ITSN1: variants seen among roughly 807,000 people sequenced by gnomAD.
ITSN1 encodes the protein intersectin-1.
A neutral mutation model predicts 239.8 loss-of-function variants in ITSN1; 58 were observed. That is an observed-to-expected ratio of 0.24 (90% CI 0.20 to 0.30). ITSN1 has a LOEUF of 0.30. Ranked by LOEUF, ITSN1 falls within the 10% of genes least tolerant of loss-of-function variation. The pLI, the probability that ITSN1 is intolerant of heterozygous loss-of-function variation, is 1.00. For synonymous variants in ITSN1, 780 were observed against 770.8 expected (o/e 1.01, Z -0.20); for missense variants, 1,558 against 2,103.3 (o/e 0.74, Z 5.07).
intron 29 of ITSN1, among the ~76,000 whole-genome samples, chr21:33,841,579 T>A (rs1201448955): frequency 6.6e-6 from 1 of 152,168 alleles, no homozygotes; most frequent in African/African-American, 2.4e-5. Flanking sequence ...TCCTGGAGTC[T>A]CTTGCTCATT....
rs547903409 is a variant in ITSN1, at chr21:33,761,318, C to T, written c.725-605C>T. ...CTGAGCTCGAGCCATCTGCCTGCCTCAGCCTCCCAGAATGCTGGGATTACA... is the reference window on the plus strand; with the variant it reads ...CTGAGCTCGAGCCATCTGCCTGCCTTAGCCTCCCAGAATGCTGGGATTACA... On this transcript the variant is annotated intron_variant, in intron 8 of 39. Transcript: ENST00000381318. 2.0e-5 allele frequency among the ~76,000 whole-genome samples: 3 copies of T among 152,230 alleles called. No homozygotes were observed. The East Asian group carries it at 5.8e-4, about 29-fold the overall frequency.
chr21:33,725,275 A>G (rs943498331), intron 4 of ITSN1, among the ~76,000 whole-genome samples: 3 of 150,760 alleles, frequency 2.0e-5, no homozygotes, highest in Non-Finnish European at 4.4e-5. Context: ...AGCTGGGATT[A>G]CAGGCGTACA....
At chr21:33,856,016 C>T (rs1014913686) in intron 29 of ITSN1, among the ~76,000 whole-genome samples, 5 of 152,368 alleles carry the variant, frequency 3.3e-5, no homozygotes, top group African/African-American at 1.2e-4. Flanking sequence ...CAGCCCAAGT[C>T]TCAGGGTTTG....
intron 16 of ITSN1, among the ~76,000 whole-genome samples, chr21:33,789,731 A>G (rs2070958341): frequency 6.6e-6 from 1 of 152,234 alleles, no homozygotes; most frequent in South Asian, 2.1e-4. Flanking sequence ...GACCAGATGA[A>G]GGAGAAACAG....
intron 1 of ITSN1, among the ~76,000 whole-genome samples, chr21:33,715,530 C>T: frequency 6.6e-6 from 1 of 152,086 alleles, no homozygotes; most frequent in South Asian, 2.1e-4. Context: ...TTTATGAGGA[C>T]TAAGTGAGAT....
At position 33,836,357 on chromosome 21, in the gene ITSN1, C is replaced by T; in HGVS notation, c.3470-84C>T. On this transcript the variant is annotated intron_variant, in intron 28 of 39. Coordinates refer to ENST00000381318, the MANE Select transcript of ITSN1 (RefSeq NM_003024.3). ...TCTTCTGAAAGGACAGAAATAGTAG[C>T]TGGGAATGTTGAATGGCTGCGCGGT... 1.0e-5 allele frequency: 10 copies of T among 970,436 alleles called. No homozygotes were observed. In the South Asian group the frequency reaches 2.1e-4, roughly 20 times the overall value. 60.1% of individuals were successfully genotyped at this position (970,436 alleles called of 1,614,324 possible).
intron 1 of ITSN1, among the ~76,000 whole-genome samples, chr21:33,700,199 C>T (rs914040295): frequency 2.6e-5 from 4 of 152,072 alleles, no homozygotes; most frequent in African/African-American, 9.7e-5. Flanking sequence ...ATTCTCCTGC[C>T]TCAGCCTCCC....
intron 27 of ITSN1, among the ~76,000 whole-genome samples, chr21:33,832,720 T>A (rs1225949982): frequency 6.6e-6 from 1 of 152,104 alleles, no homozygotes; most frequent in East Asian, 1.9e-4. Context: ...CATAAAAGCT[T>A]TAGTCCTTGA....
chr21:33,709,528 C>T (rs1302210937), intron 1 of ITSN1, among the ~76,000 whole-genome samples: 12 of 152,256 alleles, frequency 7.9e-5, no homozygotes, highest in Non-Finnish European at 7.3e-5. Context: ...GTGACTCACC[C>T]GCCTTGGCTT....
At chr21:33,824,804 G>A (rs2073889478) in intron 25 of ITSN1, among the ~76,000 whole-genome samples, 2 of 152,140 alleles carry the variant, frequency 1.3e-5, no homozygotes, top group Non-Finnish European at 2.9e-5. Context: ...TTTTCTTGCT[G>A]CGGTCTTGAG....
At position 33,673,332 on chromosome 21, in the gene ITSN1, ACT is replaced by A. The variant is rs946122986; in HGVS notation, c.-33+30622_-33+30623del. Reference sequence around the variant, plus strand: ...TAGAGATCTAATATTTAGCATGATGACTCTGGCTAATATTGTATTGGAAAATT... The same window carrying A: ...TAGAGATCTAATATTTAGCATGATGACTGGCTAATATTGTATTGGAAAATT... On this transcript the variant is annotated intron_variant, in intron 1 of 39. Transcript: ENST00000381318. 5.9e-5 allele frequency among the ~76,000 whole-genome samples: 9 copies of A among 152,164 alleles called. No homozygotes were observed. In the South Asian group the frequency reaches 1.0e-3, roughly 18 times the overall value.
intron 2 of ITSN1, 27 bp from the exon 3 acceptor site, chr21:33,721,150 AT>A: frequency 6.7e-7 from 1 of 1,502,890 alleles, no homozygotes; most frequent in South Asian, 1.1e-5. Context: ...TCACTGAATA[AT>A]TTGTTTGTCT....
intron 4 of ITSN1, among the ~76,000 whole-genome samples, chr21:33,724,711 T>C (rs1333195520): frequency 6.6e-6 from 1 of 152,216 alleles, no homozygotes; most frequent in East Asian, 1.9e-4. Context: ...AATCCATTCT[T>C]TTACTGAAAC....
chr21:33,837,555 T>G lies in ITSN1; in HGVS notation c.3661+923T>G, dbSNP rs2074664090. ...CCTTACCATAGAAGTGCAGAGGAGT[T>G]CAGTATCTCTGTTTTAAAGACGTAT... is the stretch of plus-strand genomic sequence containing the variant. On this transcript the variant is annotated intron_variant, in intron 29 of 39. Transcript: ENST00000381318. 5.1e-6 allele frequency: 5 copies of G among 985,782 alleles called. No individual in the cohort carries two copies. In the South Asian group the frequency reaches 1.9e-4, roughly 37 times the overall value. 61.1% of individuals were successfully genotyped at this position (985,782 alleles called of 1,614,324 possible).
intron 29 of ITSN1, among the ~76,000 whole-genome samples, chr21:33,853,880 T>G (rs1044018572): frequency 6.6e-6 from 1 of 152,018 alleles, no homozygotes; most frequent in Admixed American, 6.5e-5. Context: ...CTCAACATGG[T>G]GGGGAAGAGC....
chr21:33,823,755 T>G (rs1346647570), intron 25 of ITSN1, 102 bp downstream of exon 25: 2 of 1,128,518 alleles, frequency 1.8e-6, no homozygotes, highest in Middle Eastern at 2.0e-4. Flanking sequence ...TTTGCTAAGT[T>G]CTGGAATGTG....
intron 29 of ITSN1, chr21:33,837,093 T>C: frequency 6.4e-7 from 1 of 1,563,716 alleles, no homozygotes; most frequent in Non-Finnish European, 8.7e-7. Context: ...CTTGATCATG[T>C]GACTTCCAGC....
At chr21:33,759,312 A>G (rs2068129494) in intron 8 of ITSN1, among the ~76,000 whole-genome samples, 1 of 152,254 alleles carries the variant, frequency 6.6e-6, no homozygotes, top group African/African-American at 2.4e-5. Flanking sequence ...CACAGATGGA[A>G]GAACTTCATT....
At chr21:33,751,457 AG>A (rs2067551557) in intron 6 of ITSN1, among the ~76,000 whole-genome samples, 1 of 152,224 alleles carries the variant, frequency 6.6e-6, no homozygotes, top group Non-Finnish European at 1.5e-5. Context: ...CTAATACTTC[AG>A]CTCCTTCAGT....
Sources: allele counts gnomAD v4.1 joint callset (sites outside exome capture counted in the v4.1 genomes callset), GRCh38; gene constraint gnomAD v4.1.1; transcripts MANE v1.5; gene names NCBI Gene and HGNC (gene_info 2026-07-23, HGNC 2026-07-21).